WLS: variants seen among roughly 807,000 people sequenced by gnomAD.
The protein encoded by WLS is protein wntless homolog.
A neutral mutation model predicts 62.8 loss-of-function variants in WLS; 23 were observed. That is an observed-to-expected ratio of 0.37 (90% CI 0.26 to 0.52). WLS has a LOEUF of 0.52. Ranked by LOEUF, WLS falls within the 20% of genes least tolerant of loss-of-function variation. WLS has a pLI of 0.92. For synonymous variants in WLS, 246 were observed against 244.1 expected, an observed-to-expected ratio of 1.01 and a Z score of -0.07; for missense variants, 615 against 697.3, an observed-to-expected ratio of 0.88 and a Z score of 1.33.
intron 11 of WLS, among the ~76,000 whole-genome samples, chr1:68,135,305 C>CTTT (rs71581156): frequency 0.029 from 1,943 of 66,868 alleles, 8 homozygotes; most frequent in Non-Finnish European, 0.034. Context: ...CCATGCCTGG[C>CTTT]TTTTTTTTTT....
intron 2 of WLS, among the ~76,000 whole-genome samples, chr1:68,187,474 GA>G (rs904305589): frequency 7.2e-5 from 11 of 152,106 alleles, no homozygotes; most frequent in Non-Finnish European, 1.2e-4. Flanking sequence ...ATGTACATGA[GA>G]AAAAAATAAG....
chr1:68,152,285 A>G (rs1190077139), intron 5 of WLS, among the ~76,000 whole-genome samples: 2 of 152,232 alleles, frequency 1.3e-5, no homozygotes, highest in Non-Finnish European at 2.9e-5. Flanking sequence ...ATACAGATTA[A>G]GAGTCATCAG....
chr1:68,183,837 T>G (rs1647740901), intron 2 of WLS, among the ~76,000 whole-genome samples: 2 of 152,064 alleles, frequency 1.3e-5, no homozygotes. Flanking sequence ...TCTAATTACT[T>G]TAACTAGAAA....
intron 11 of WLS, among the ~76,000 whole-genome samples, chr1:68,136,316 G>T (rs1419052854): frequency 2.6e-5 from 4 of 152,136 alleles, no homozygotes; most frequent in South Asian, 4.2e-4. Flanking sequence ...ACTGGTCCTT[G>T]CCCTGAAGGA....
In WLS at chr1:68,137,907, G is replaced by T; in HGVS notation, c.1389C>A (p.Gly463=). Residue 463 remains glycine (G), a synonymous_variant, in exon 11 of 12, where the codon GGC becomes GGA. Transcript: ENST00000262348. ...SQVTEGHWKW[G]GVTVQVNSAF... ...CACTGTTCACTTGGACTGTGACGCCGCCCCATTTCCAATGGCCTTCCGTTA... is the reference window on the plus strand; with the variant it reads ...CACTGTTCACTTGGACTGTGACGCCTCCCCATTTCCAATGGCCTTCCGTTA... 6.2e-7 allele frequency: 1 copy of T among 1,613,856 alleles called. No individual in the cohort carries two copies. Among genetic ancestry groups the T allele is most frequent in the Non-Finnish European group, 8.5e-7 (1 of 1,179,842 alleles).
chr1:68,099,488 C>T (rs978665865), intron 11 of WLS, among the ~76,000 whole-genome samples: 1 of 152,168 alleles, frequency 6.6e-6, no homozygotes, highest in Non-Finnish European at 1.5e-5. Flanking sequence ...AGTCATCCTT[C>T]CGTACCTGTA....
intron 11 of WLS, among the ~76,000 whole-genome samples, chr1:68,099,092 C>T (rs886303722): frequency 7.9e-5 from 12 of 152,192 alleles, no homozygotes; most frequent in African/African-American, 2.7e-4. Flanking sequence ...CCCCCTCATC[C>T]CCACTTTCTC....
chr1:68,138,185 G>A (rs556312526), intron 10 of WLS: 1 of 449,510 alleles, frequency 2.2e-6, no homozygotes, highest in South Asian at 3.8e-5. Context: ...CACCTGGGGA[G>A]TGTCTCTTCC....
Position 68,222,047 on chromosome 1 carries a change from C to T in WLS, c.106+10147G>A, listed in dbSNP as rs564580296. Among the ~76,000 whole-genome samples the T allele has an allele frequency of 3.3e-5, 5 of 152,186 alleles. No homozygotes were observed. In the South Asian group the frequency reaches 1.0e-3, roughly 32 times the overall value. On this transcript the variant is annotated intron_variant, in intron 1 of 11. Transcript: ENST00000262348. Reference sequence around the variant, plus strand: ...ATATATAGTGCTATGTGACTTTACCCCAAGCTCACTAGAACTTCGGAATTA... The same window carrying T: ...ATATATAGTGCTATGTGACTTTACCTCAAGCTCACTAGAACTTCGGAATTA...
intron 10 of WLS, among the ~76,000 whole-genome samples, chr1:68,139,825 T>G (rs143289767): frequency 7.1e-4 from 108 of 152,274 alleles, no homozygotes; most frequent in African/African-American, 2.5e-3. Flanking sequence ...AGGTAGAAAG[T>G]GGAGATGGAA....
intron 11 of WLS, among the ~76,000 whole-genome samples, chr1:68,106,563 C>A (rs914435232): frequency 7.2e-5 from 11 of 152,210 alleles, no homozygotes; most frequent in Non-Finnish European, 1.6e-4. Flanking sequence ...ATTCCAGAAA[C>A]GTGTCCCTTG....
At chr1:68,122,239 C>T (rs114744500), downstream of WLS, among the ~76,000 whole-genome samples, 178 of 152,310 alleles carry the variant, frequency 1.2e-3, 4 homozygotes, top group East Asian at 0.033. Flanking sequence ...GTCCTCCAAC[C>T]TCCCCTGACA....
chr1:68,174,524 T>G (rs185258945), intron 2 of WLS, among the ~76,000 whole-genome samples: 9 of 152,210 alleles, frequency 5.9e-5, no homozygotes, highest in African/African-American at 2.2e-4. Context: ...AGCATATGTG[T>G]GTGTGAGAGA....
intron 1 of WLS, among the ~76,000 whole-genome samples, chr1:68,217,849 C>T (rs1649793755): frequency 6.6e-6 from 1 of 152,170 alleles, no homozygotes; most frequent in African/African-American, 2.4e-5. Flanking sequence ...CCCCCTGCTT[C>T]ATTAGGCATG....
At chr1:68,130,172 T>G (rs1273563911) in intron 11 of WLS, among the ~76,000 whole-genome samples, 2 of 152,224 alleles carry the variant, frequency 1.3e-5, no homozygotes, top group African/African-American at 4.8e-5. Flanking sequence ...AGCATTTTAA[T>G]GACAATTGTT....
chr1:68,181,726 C>T (rs776141308), intron 2 of WLS, among the ~76,000 whole-genome samples: 40 of 152,066 alleles, frequency 2.6e-4, no homozygotes, highest in Non-Finnish European at 4.9e-4. Flanking sequence ...CCACCGTGGG[C>T]GAGTACCACA....
intron 11 of WLS, among the ~76,000 whole-genome samples, chr1:68,110,007 TAAAAA>T (rs11290966): frequency 1.4e-3 from 40 of 28,444 alleles, no homozygotes; most frequent in Non-Finnish European, 2.0e-3. Flanking sequence ...ACACAAAAAG[TAAAAA>T]AAAAAAAAAA....
rs1227188569 is a variant in WLS, at chr1:68,178,716, A to AAAAAG, written c.379+15238_379+15239insCTTTT. On this transcript the variant is annotated intron_variant, in intron 2 of 11. Coordinates refer to ENST00000262348, the MANE Select transcript of WLS (RefSeq NM_024911.7). ...TCGAGACTACATTTCAAAAAAAAAA[A>AAAAAG]AAAGAAAAGAAAAGAGAAAACTAAA... 2.7e-3 allele frequency among the ~76,000 whole-genome samples: 402 copies of AAAAAG among 151,486 alleles called. 9 individuals carry two copies. The highest frequency in any genetic ancestry group is 9.1e-3 in the African/African-American group (372 of 41,094).
intron 1 of WLS, among the ~76,000 whole-genome samples, chr1:68,219,269 AGCATAACAGTAG>A (rs1409337833): frequency 1.3e-5 from 2 of 152,234 alleles, no homozygotes; most frequent in Non-Finnish European, 2.9e-5. Flanking sequence ...AATAACAATC[AGCATAACAGTAG>A]GCATAGGTAA....
Sources: gnomAD v4.1 joint callset for allele counts (sites outside exome capture counted in the v4.1 genomes callset) on GRCh38, gnomAD v4.1.1 for gene constraint, MANE v1.5 for transcripts, NCBI Gene and HGNC (gene_info 2026-07-23, HGNC 2026-07-21) for gene names.